Variants in PALLD observed in about 807,000 individuals in gnomAD.
The protein encoded by PALLD is palladin, cytoskeletal associated protein.
A neutral mutation model predicts 123.5 loss-of-function variants in PALLD; 61 were observed. The observed-to-expected ratio is 0.49, with a 90% CI of 0.40 to 0.61. The LOEUF (loss-of-function observed/expected upper bound fraction) is 0.61, where lower values mean the gene tolerates loss of function less well. Among genes scored for constraint, PALLD ranks in the 20% least tolerant of loss-of-function variants. The pLI, the probability that PALLD is intolerant of heterozygous loss-of-function variation, is 0.00. For missense variants in PALLD, 1,273 were observed against 1,377.0 expected (o/e 0.92, Z 1.20); for synonymous variants, 465 against 496.4 (o/e 0.94, Z 0.84).
intron 10 of PALLD, among the ~76,000 whole-genome samples, chr4:168,760,321 G>T (rs13145844): frequency 0.32 from 48,181 of 151,516 alleles, 8,255 homozygotes; most frequent in East Asian, 0.63. Flanking sequence ...TCTGGCAGTG[G>T]GTGCGGGGAG....
chr4:168,878,276 C>T (rs1377389620), intron 10 of PALLD: 1 of 1,526,970 alleles, frequency 6.5e-7, no homozygotes, highest in Non-Finnish European at 8.7e-7. Flanking sequence ...CTGCTCGTCG[C>T]CTGCCACCCG....
chr4:168,703,161 T>G (rs927507105), intron 8 of PALLD, among the ~76,000 whole-genome samples: 1 of 146,642 alleles, frequency 6.8e-6, no homozygotes, highest in African/African-American at 2.6e-5. Context: ...ATGCGGTGTT[T>G]GGTTTTTTGT....
chr4:168,737,872 A>T (rs1458661960), intron 10 of PALLD, among the ~76,000 whole-genome samples: 2 of 152,212 alleles, frequency 1.3e-5, no homozygotes, highest in African/African-American at 4.8e-5. Context: ...GATTGCTGAG[A>T]TGCTGTGGCA....
At chr4:168,878,903 G>A (rs111562580) in intron 10 of PALLD, among the ~76,000 whole-genome samples, 2 of 152,234 alleles carry the variant, frequency 1.3e-5, no homozygotes, top group African/African-American at 4.8e-5. Flanking sequence ...AATATTTCAT[G>A]CCAGCATTAC....
intron 8 of PALLD, among the ~76,000 whole-genome samples, chr4:168,695,252 G>A (rs957040536): frequency 1.3e-5 from 2 of 152,178 alleles, no homozygotes; most frequent in African/African-American, 4.8e-5. Context: ...CTAAGGTGCT[G>A]TTGTAGGAGG....
At chr4:168,878,215 CCCACTGCCGCCGCCA>C in intron 10 of PALLD, 1 of 1,503,242 alleles carries the variant, frequency 6.7e-7, no homozygotes, top group South Asian at 1.2e-5. Flanking sequence ...CCGACGTGTT[CCCACTGCCGCCGCCA>C]CCACCGCCGC....
At chr4:168,551,987 G>A (rs1195928013) in intron 2 of PALLD, among the ~76,000 whole-genome samples, 1 of 152,120 alleles carries the variant, frequency 6.6e-6, no homozygotes, top group Non-Finnish European at 1.5e-5. Context: ...TGAGTCTTTG[G>A]TTTTGAGGTA....
In PALLD at chr4:168,787,715, CT is replaced by C. The variant is rs542719395; in HGVS notation, c.1964+75794del. Among the ~76,000 whole-genome samples the C allele has an allele frequency of 2.0e-3, 309 of 152,288 alleles. 1 individual carries two copies. Among genetic ancestry groups the C allele is most frequent in the African/African-American group, 7.0e-3 (290 of 41,562 alleles). On this transcript the variant is annotated intron_variant, in intron 10 of 21. Coordinates refer to ENST00000505667, the MANE Select transcript of PALLD (RefSeq NM_001166108.2). ...AAAAGGCACTTTTCACATTTTTTCT[CT>C]TCATTGCTTAAGAATTCAGAAGTTT...
At chr4:168,596,283 C>T (rs1347645318) in intron 2 of PALLD, among the ~76,000 whole-genome samples, 1 of 152,056 alleles carries the variant, frequency 6.6e-6, no homozygotes, top group East Asian at 1.9e-4. Flanking sequence ...TATAAAGATA[C>T]TGTAAAACTA....
At chr4:168,579,300 T>C (rs1176972128) in intron 2 of PALLD, among the ~76,000 whole-genome samples, 1 of 152,174 alleles carries the variant, frequency 6.6e-6, no homozygotes, top group Non-Finnish European at 1.5e-5. Context: ...AGAGGGACAT[T>C]GGGGATATTA....
At chr4:168,826,806 C>T (rs7681716) in intron 10 of PALLD, among the ~76,000 whole-genome samples, 101,412 of 152,008 alleles carry the variant, frequency 0.67, 34,191 homozygotes, top group Non-Finnish European at 0.7. Flanking sequence ...ACCTCCACTT[C>T]ACAAATGAGA....
At position 168,525,047 on chromosome 4, in the gene PALLD, T is replaced by A. The variant is rs565940651; in HGVS notation, c.908+12635T>A. On this transcript the variant is annotated intron_variant, in intron 2 of 21. Coordinates refer to ENST00000505667, the MANE Select transcript of PALLD (RefSeq NM_001166108.2). ...TGTAATCCGTTATAGTACCATTTAATCCTTATGTTTAGCTGCCAGCATTCT... is the reference window on the plus strand; with the variant it reads ...TGTAATCCGTTATAGTACCATTTAAACCTTATGTTTAGCTGCCAGCATTCT... Among the ~76,000 whole-genome samples the A allele has an allele frequency of 5.3e-5, 8 of 152,258 alleles. No homozygotes were observed. The South Asian group carries it at 1.4e-3, about 28-fold the overall frequency.
intron 1 of PALLD, among the ~76,000 whole-genome samples, chr4:168,498,904 A>C (rs972860365): frequency 6.6e-6 from 1 of 152,106 alleles, no homozygotes; most frequent in African/African-American, 2.4e-5. Flanking sequence ...GATAACTTCA[A>C]AAACTCTGTA....
intron 11 of PALLD, 72 bp downstream of exon 11, chr4:168,891,129 T>A: frequency 6.9e-7 from 1 of 1,443,796 alleles, no homozygotes; most frequent in Non-Finnish European, 9.8e-7. Flanking sequence ...CTCTAAGACT[T>A]AGGTTCTTGA....
intron 2 of PALLD, among the ~76,000 whole-genome samples, chr4:168,596,151 A>AC (rs1222538446): frequency 6.6e-6 from 1 of 152,000 alleles, no homozygotes; most frequent in African/African-American, 2.4e-5. Flanking sequence ...TTATTGCCAA[A>AC]CCCTTTGCTG....
intron 2 of PALLD, among the ~76,000 whole-genome samples, chr4:168,658,380 G>A (rs1361241228): frequency 6.7e-6 from 1 of 149,060 alleles, no homozygotes; most frequent in African/African-American, 2.5e-5. Context: ...GAATTCCTGG[G>A]CTCAAGTGAT....
chr4:168,579,090 A>G (rs1323964491), intron 2 of PALLD, among the ~76,000 whole-genome samples: 1 of 152,150 alleles, frequency 6.6e-6, no homozygotes, highest in Non-Finnish European at 1.5e-5. Flanking sequence ...AATAAGCTTC[A>G]GCTCTGTAAT....
intron 2 of PALLD, among the ~76,000 whole-genome samples, chr4:168,655,491 T>G (rs1379017373): frequency 6.6e-6 from 1 of 152,194 alleles, no homozygotes; most frequent in Non-Finnish European, 1.5e-5. Flanking sequence ...TTCCTCAGCC[T>G]CTGACAGAAT....
At chr4:168,692,313 C>T (rs2150127902) in intron 8 of PALLD, among the ~76,000 whole-genome samples, 1 of 152,290 alleles carries the variant, frequency 6.6e-6, no homozygotes, top group African/African-American at 2.4e-5. Context: ...TGAGTAGCAT[C>T]CTTAGGGAAC....
Sources: gnomAD v4.1 joint callset for allele counts (sites outside exome capture counted in the v4.1 genomes callset) on GRCh38, gnomAD v4.1.1 for gene constraint, MANE v1.5 for transcripts, NCBI Gene and HGNC (gene_info 2026-07-23, HGNC 2026-07-21) for gene names.